SFSWAP: variants seen among roughly 807,000 people sequenced by gnomAD.
The protein encoded by SFSWAP is splicing factor, suppressor of white-apricot homolog.
In SFSWAP, 17 loss-of-function variants were observed where a neutral mutation model predicts 100.7. That is an observed-to-expected ratio of 0.17 (90% CI 0.12 to 0.25). The LOEUF (loss-of-function observed/expected upper bound fraction) is 0.25. Among genes scored for constraint, SFSWAP ranks in the 10% least tolerant of loss-of-function variants. The pLI is 1.00. For missense variants in SFSWAP, 1,005 were observed against 1,262.6 expected, an observed-to-expected ratio of 0.80 and a Z score of 3.09; for synonymous variants, 504 against 510.1, an observed-to-expected ratio of 0.99 and a Z score of 0.16.
At position 131,711,553 on chromosome 12, in the gene SFSWAP, G is replaced by A. The variant is rs1399192016; in HGVS notation, c.218+106G>A. 3.3e-6 allele frequency: 3 copies of A among 902,988 alleles called. No individual in the cohort carries two copies. The highest frequency in any genetic ancestry group is 5.1e-6 in the Non-Finnish European group (3 of 584,662). 55.9% of individuals were successfully genotyped at this position (902,988 alleles called of 1,614,324 possible). ...CTGCAGAGAGTTTTCTGGAGCCAGC[G>A]GGGATCTGGGGGACACCCCCTCCCC... On this transcript the variant is annotated intron_variant, in intron 1 of 17. Transcript: ENST00000261674. The surrounding 1 kb of genome is among the most constrained non-coding windows in gnomAD (Gnocchi z 4.9).
intron 13 of SFSWAP, among the ~76,000 whole-genome samples, chr12:131,768,173 A>G (rs1479981103): frequency 6.6e-6 from 1 of 152,222 alleles, no homozygotes; most frequent in African/African-American, 2.4e-5. Flanking sequence ...CTCCTGGGAA[A>G]CACAGCACTG....
rs60047663 is a variant in SFSWAP, at chr12:131,740,966, C to CTTTT, written c.1082-12136_1082-12133dup. ...TCATTTCTTTTTTTTTCTTTTTTTT[C>CTTTT]TTTTTTTTTTTTTTTTTTTTTTTTG... is the stretch of plus-strand genomic sequence containing the variant. On this transcript the variant is annotated intron_variant, in intron 7 of 17. Transcript: ENST00000261674. Among the ~76,000 whole-genome samples the CTTTT allele has an allele frequency of 2.0e-3, 142 of 70,154 alleles. 4 individuals carry two copies. The highest frequency in any genetic ancestry group is 2.5e-3 in the East Asian group (5 of 1,970). The allele number at this position is 70,154 out of a possible 152,430, so 46.0% of individuals were successfully genotyped here.
intron 11 of SFSWAP, among the ~76,000 whole-genome samples, chr12:131,760,174 T>G (rs980160519): frequency 1.3e-5 from 2 of 152,188 alleles, no homozygotes; most frequent in African/African-American, 2.4e-5. Context: ...AAGAAGTGTC[T>G]TAAGAACTGA....
intron 3 of SFSWAP, among the ~76,000 whole-genome samples, chr12:131,715,610 A>G (rs1008630086): frequency 1.3e-5 from 2 of 152,278 alleles, no homozygotes; most frequent in African/African-American, 4.8e-5. Flanking sequence ...CGAGAGCTCC[A>G]CTACCACAGC....
chr12:131,792,707 C>G (rs1262479749), intron 15 of SFSWAP, among the ~76,000 whole-genome samples: 3 of 152,254 alleles, frequency 2.0e-5, no homozygotes, highest in Admixed American at 2.0e-4. Context: ...GACCAGGACT[C>G]TCAAGAACAT....
Position 131,786,465 on chromosome 12 carries a change from C to T in SFSWAP, c.2411C>T (p.Ser804Phe), listed in dbSNP as rs1225850810. 1 of 1,586,202 alleles carries T rather than the reference C, an allele frequency of 6.3e-7. No homozygotes were observed. The highest frequency in any genetic ancestry group is 1.1e-5 in the South Asian group (1 of 86,976). ...SAYRTVRRSR[S>F]RSRSPRRRAH... The stretch of plus-strand genomic sequence containing the variant: ...ACACTGCCTCCTCCCCTGTCCAGGT[C>T]CCGCTCCCGGTCCCCTCGGAGGAGA... The change falls in exon 15 of 18, where the codon TCC becomes TTC. Residue 804 changes from serine (S) to phenylalanine (F), a missense_variant and splice_region_variant. Ser to Phe is a radical substitution (Grantham distance 155). Around this residue, in one of 7 missense-constraint regions of SFSWAP, gnomAD observed 295 missense variants for 347.9 expected, o/e 0.85. Transcript: ENST00000261674.
intron 4 of SFSWAP, among the ~76,000 whole-genome samples, chr12:131,723,870 C>T (rs190118661): frequency 6.6e-6 from 1 of 152,320 alleles, no homozygotes; most frequent in East Asian, 1.9e-4. Flanking sequence ...AAAAGGCTTC[C>T]CCACTGGATT....
intron 14 of SFSWAP, 111 bp from the exon 15 acceptor site, chr12:131,786,352 C>T: frequency 1.5e-6 from 2 of 1,355,386 alleles, no homozygotes; most frequent in Non-Finnish European, 2.0e-6. Context: ...AGGCACCACC[C>T]TGAGGAGCAG....
intron 7 of SFSWAP, 133 bp downstream of exon 7, chr12:131,728,561 A>G (rs796950098): frequency 1.0e-5 from 10 of 977,538 alleles, no homozygotes; most frequent in African/African-American, 4.8e-5. Flanking sequence ...GAGCCTGCAC[A>G]TGGTCCCAAG....
chr12:131,737,128 G>A lies in SFSWAP; in HGVS notation c.1081+8700G>A, dbSNP rs753162977. On this transcript the variant is annotated intron_variant, in intron 7 of 17. Transcript: ENST00000261674. ...AGTCCCTCTGGTGTGCTCTCGCGGT[G>A]GGCTGCAGAGCTCTGGGGGTGGGCC... Among the ~76,000 whole-genome samples the A allele has an allele frequency of 6.8e-4, 104 of 152,194 alleles. 2 individuals are homozygous for A. Among genetic ancestry groups the A allele is most frequent in the Non-Finnish European group, 2.8e-4 (19 of 68,038 alleles).
chr12:131,711,224 G>A lies in SFSWAP; in HGVS notation c.-6G>A. 1 of 1,590,498 alleles carries A rather than the reference G, an allele frequency of 6.3e-7. No individual in the cohort carries two copies. The highest frequency in any genetic ancestry group is 8.5e-7 in the Non-Finnish European group (1 of 1,170,704). Reference sequence around the variant, plus strand: ...GAGGACCAGCCTGGACGCCGGGGACGCTGTCATGTACGGCGCGAGCGGGGG... The same window carrying A: ...GAGGACCAGCCTGGACGCCGGGGACACTGTCATGTACGGCGCGAGCGGGGG... On this transcript the variant is annotated 5_prime_UTR_variant, in exon 1 of 18. Transcript: ENST00000261674. This position sits in a 1 kb window ranked among gnomAD's most constrained non-coding sequence, Gnocchi z 4.9.
chr12:131,784,945 A>G, intron 14 of SFSWAP: 2 of 638,212 alleles, frequency 3.1e-6, no homozygotes, highest in South Asian at 7.1e-5. Context: ...AGTTTATTGT[A>G]GAATTCTACG....
At chr12:131,759,139 G>A (rs1425867173) in intron 11 of SFSWAP, among the ~76,000 whole-genome samples, 2 of 152,046 alleles carry the variant, frequency 1.3e-5, no homozygotes, top group South Asian at 4.1e-4. Context: ...AGAAAATAAA[G>A]TATATGAGAA....
At chr12:131,798,103 G>A (rs1166179128) in intron 16 of SFSWAP, among the ~76,000 whole-genome samples, 1 of 152,192 alleles carries the variant, frequency 6.6e-6, no homozygotes, top group Non-Finnish European at 1.5e-5. Flanking sequence ...CACTTTGGGA[G>A]GCCAGGGCAG....
intron 17 of SFSWAP, 46 bp downstream of exon 17, chr12:131,799,155 G>A (rs368059183): frequency 3.3e-5 from 48 of 1,462,386 alleles, no homozygotes; most frequent in Non-Finnish European, 4.4e-5. Context: ...TCATCAAGGG[G>A]CCTCGTGGTT....
chr12:131,755,350 T>G, intron 9 of SFSWAP, 36 bp from the exon 10 acceptor site: 1 of 1,460,868 alleles, frequency 6.8e-7, no homozygotes. Context: ...GAGCTTGTCT[T>G]GGTAAATGAC....
At chr12:131,751,096 C>T (rs915473970) in intron 7 of SFSWAP, among the ~76,000 whole-genome samples, 1 of 152,214 alleles carries the variant, frequency 6.6e-6, no homozygotes, top group Middle Eastern at 3.4e-3. Context: ...AGATGGAAGG[C>T]TCAGGAAGGT....
intron 11 of SFSWAP, 97 bp from the exon 12 acceptor site, chr12:131,764,359 C>T: frequency 1.1e-6 from 1 of 915,810 alleles, no homozygotes; most frequent in Non-Finnish European, 1.7e-6. Context: ...CCATGCTAGT[C>T]ATCCCCTTCC....
chr12:131,762,793 G>A (rs1882786438), intron 11 of SFSWAP, among the ~76,000 whole-genome samples: 1 of 152,150 alleles, frequency 6.6e-6, no homozygotes, highest in Non-Finnish European at 1.5e-5. Flanking sequence ...TAGAGACAGG[G>A]TTTCACCGTG....
Sources: gnomAD v4.1 joint callset for allele counts (sites outside exome capture counted in the v4.1 genomes callset) on GRCh38, gnomAD v4.1.1 for gene constraint, gnomAD v4.1.1 regional missense constraint, Gnocchi (gnomAD v3.1) non-coding constraint, MANE v1.5 for transcripts, NCBI Gene and HGNC (gene_info 2026-07-23, HGNC 2026-07-21) for gene names.